Variants in SPDYE3 observed in about 807,000 individuals in gnomAD.
SPDYE3 encodes speedy/RINGO cell cycle regulator family member E3, also known as speedy protein E3.
In SPDYE3, 15 loss-of-function variants were observed where a neutral mutation model predicts 55.0. The ratio of observed to expected loss-of-function variants is 0.27; its 90% CI spans 0.18 to 0.42. The LOEUF (loss-of-function observed/expected upper bound fraction) is 0.42. SPDYE3 is among the 10% of genes least tolerant of loss of function. The pLI is 1.00. For synonymous variants in SPDYE3, 89 were observed against 229.9 expected, an observed-to-expected ratio of 0.39 and a Z score of 5.55; for missense variants, 236 against 576.7, an observed-to-expected ratio of 0.41 and a Z score of 6.05.
At chr7:100,319,852 G>C (rs376903923) in intron 9 of SPDYE3, 44 bp downstream of exon 9, 1 of 1,613,822 alleles carries the variant, frequency 6.2e-7, no homozygotes, top group Non-Finnish European at 8.5e-7. Context: ...GAGGAATCGG[G>C]TGGGCTGGAG....
intron 2 of SPDYE3, among the ~76,000 whole-genome samples, chr7:100,309,693 T>G (rs1322011658): frequency 8.8e-6 from 1 of 113,894 alleles, no homozygotes. Context: ...TGCACTCCAG[T>G]CTGGGTGAGA....
chr7:100,310,185 G>A (rs1258256598), intron 2 of SPDYE3, among the ~76,000 whole-genome samples, 175 bp from the exon 3 acceptor site: 2 of 135,284 alleles, frequency 1.5e-5, no homozygotes, highest in East Asian at 4.1e-4. Context: ...GGGAAGAATG[G>A]GGAGGGGAAG....
intron 8 of SPDYE3, among the ~76,000 whole-genome samples, chr7:100,317,415 G>A (rs1436393341): frequency 6.6e-6 from 1 of 152,034 alleles, no homozygotes; most frequent in Admixed American, 6.6e-5. Flanking sequence ...AGACCAGCCT[G>A]GCCAACATGG....
chr7:100,317,851 C>G (rs1421942190), intron 8 of SPDYE3, among the ~76,000 whole-genome samples: 3 of 150,230 alleles, frequency 2.0e-5, no homozygotes, highest in Admixed American at 6.6e-5. Context: ...TGGCGGGCAC[C>G]TGTAGTCCCA....
Position 100,320,878 on chromosome 7 carries a change from C to A in SPDYE3, c.*46-13C>A. On this transcript the variant is annotated splice_polypyrimidine_tract_variant and intron_variant, in intron 10 of 10. Transcript: ENST00000332397. ...GTCTCCTTGAGGTGTGACATTGTCT[C>A]TCTCACTTCCAGAACACCGGACCCA... is the stretch of plus-strand genomic sequence containing the variant. 2 of 1,219,170 alleles carry A rather than the reference C, an allele frequency of 1.6e-6. No homozygotes were observed. 75.5% of individuals were successfully genotyped at this position (1,219,170 alleles called of 1,614,324 possible).
intron 1 of SPDYE3, among the ~76,000 whole-genome samples, chr7:100,308,647 T>C (rs1344471647): frequency 6.6e-6 from 1 of 151,290 alleles, no homozygotes; most frequent in Admixed American, 6.6e-5. Context: ...AGATGGATGT[T>C]GCAGTGAGCT....
chr7:100,317,690 G>A (rs1806137751), intron 8 of SPDYE3, among the ~76,000 whole-genome samples: 1 of 151,660 alleles, frequency 6.6e-6, no homozygotes, highest in Non-Finnish European at 1.5e-5. Context: ...AACAGGCCAG[G>A]TGCGGTGGCT....
intron 7 of SPDYE3, among the ~76,000 whole-genome samples, chr7:100,316,451 C>T (rs571061297): frequency 5.9e-5 from 9 of 152,304 alleles, no homozygotes; most frequent in Non-Finnish European, 8.8e-5. Context: ...CCATGCTCAA[C>T]GAATTTTTGA....
intron 4 of SPDYE3, among the ~76,000 whole-genome samples, chr7:100,312,908 C>T (rs1418212901): frequency 1.3e-5 from 2 of 149,654 alleles, no homozygotes; most frequent in African/African-American, 4.9e-5. Context: ...CCTCAGAGAG[C>T]CAGGGACCAG....
In SPDYE3 at chr7:100,321,306, CAGAT is replaced by C. The variant is rs1374381533; in HGVS notation, c.*464_*467del. ...GAAATATGAGTGCCACAGACTGTAACAGATAGCTTCATGCACACTATGCATTTTA... is the reference window on the plus strand; with the variant it reads ...GAAATATGAGTGCCACAGACTGTAACAGCTTCATGCACACTATGCATTTTA... On this transcript the variant is annotated 3_prime_UTR_variant, in exon 11 of 11. Coordinates refer to ENST00000332397, the MANE Select transcript of SPDYE3 (RefSeq NM_001004351.5). 1 of 348,360 alleles carries C rather than the reference CAGAT, an allele frequency of 2.9e-6. No homozygotes were observed. Among genetic ancestry groups the C allele is most frequent in the Non-Finnish European group, 5.7e-6 (1 of 175,960 alleles). The allele number at this position is 348,360 out of a possible 1,614,324, so 21.6% of individuals were successfully genotyped here.
At chr7:100,316,017 G>A (rs1032370002) in intron 7 of SPDYE3, among the ~76,000 whole-genome samples, 174 bp downstream of exon 7, 2 of 151,986 alleles carry the variant, frequency 1.3e-5, no homozygotes, top group African/African-American at 4.8e-5. Context: ...TGTTGCCCAG[G>A]CTGGAGGGCA....
At chr7:100,317,993 A>G (rs1806149315) in intron 8 of SPDYE3, among the ~76,000 whole-genome samples, 1 of 151,142 alleles carries the variant, frequency 6.6e-6, no homozygotes, top group East Asian at 1.9e-4. Context: ...AAAAAAAAAA[A>G]AAAGAACAAA....
chr7:100,308,356 GA>G (rs1342018498), intron 1 of SPDYE3, among the ~76,000 whole-genome samples: 2 of 147,464 alleles, frequency 1.4e-5, no homozygotes, highest in East Asian at 2.0e-4. Context: ...AAAAGAAGAA[GA>G]AAAAAAAGAA....
chr7:100,310,209 G>A (rs1298078868), intron 2 of SPDYE3, 151 bp from the exon 3 acceptor site: 1 of 541,432 alleles, frequency 1.8e-6, no homozygotes, highest in Non-Finnish European at 3.3e-6. Flanking sequence ...TGGCACATGG[G>A]GTTGAGCAGA....
intron 10 of SPDYE3, chr7:100,320,680 G>A (rs1287989651): frequency 9.3e-7 from 1 of 1,070,416 alleles, no homozygotes; most frequent in Non-Finnish European, 1.2e-6. Context: ...CTGACCTTGG[G>A]TGTATTAAGT....
intron 8 of SPDYE3, among the ~76,000 whole-genome samples, chr7:100,318,363 C>T (rs1014073430): frequency 1.3e-5 from 2 of 152,136 alleles, no homozygotes; most frequent in Non-Finnish European, 2.9e-5. Flanking sequence ...GTCCACAGTG[C>T]CAATTCCACC....
At chr7:100,320,865 T>C in intron 10 of SPDYE3, 26 bp from the exon 11 acceptor site, 2 of 1,206,318 alleles carry the variant, frequency 1.7e-6, no homozygotes, top group Non-Finnish European at 1.1e-6. Flanking sequence ...CTCCTTGAGG[T>C]GTGACATTGT....
Position 100,313,041 on chromosome 7 carries a change from C to T in SPDYE3, c.764-99C>T, listed in dbSNP as rs867151248. ...GTGGCTTGGAGAAGCCAGCAGTCTGCGAGGCTGGGGAGGATGGAGAGTGGT... is the reference window on the plus strand; with the variant it reads ...GTGGCTTGGAGAAGCCAGCAGTCTGTGAGGCTGGGGAGGATGGAGAGTGGT... On this transcript the variant is annotated intron_variant, in intron 4 of 10. Coordinates refer to ENST00000332397, the MANE Select transcript of SPDYE3 (RefSeq NM_001004351.5). The T allele has an allele frequency of 1.6e-5, 8 of 492,564 alleles. 1 individual carries two copies. Among genetic ancestry groups the T allele is most frequent in the South Asian group, 4.5e-5 (2 of 43,984 alleles). 30.5% of individuals were successfully genotyped at this position (492,564 alleles called of 1,614,324 possible). A position where few individuals can be genotyped will look rare whatever the true frequency, so the allele number is the denominator to read the frequency against.
intron 7 of SPDYE3, among the ~76,000 whole-genome samples, 193 bp from the exon 8 acceptor site, chr7:100,316,877 C>T (rs1240642272): frequency 6.6e-6 from 1 of 152,198 alleles, no homozygotes; most frequent in Non-Finnish European, 1.5e-5. Flanking sequence ...AACCCTTCCT[C>T]CGGCTTCTCG....
Sources: gnomAD v4.1 joint callset for allele counts (sites outside exome capture counted in the v4.1 genomes callset) on GRCh38, gnomAD v4.1.1 for gene constraint, MANE v1.5 for transcripts, NCBI Gene and HGNC (gene_info 2026-07-23, HGNC 2026-07-21) for gene names.